NEK10: variants seen among roughly 807,000 people sequenced by gnomAD.
NEK10 encodes NIMA related kinase 10, also known as serine/threonine-protein kinase Nek10.
Under a neutral mutation model 159.8 loss-of-function variants are expected in NEK10, and 122 were observed. The observed-to-expected ratio is 0.76, with a 90% CI of 0.66 to 0.89. NEK10 has a LOEUF of 0.89. Among genes scored for constraint, NEK10 ranks in the 40% least tolerant of loss-of-function variants. The pLI is 0.00. For synonymous variants in NEK10, 466 were observed against 457.1 expected, an observed-to-expected ratio of 1.02 and a Z score of -0.25; for missense variants, 1,342 against 1,323.1, an observed-to-expected ratio of 1.01 and a Z score of -0.22.
rs1422171452 is a variant in NEK10, at chr3:27,109,927, A to C, written c.*1345T>G. ...GCATGATTAAAGGGAATTTGGATAT[A>C]ATTTAAGTATTAAATATGCTCATTT... is the stretch of plus-strand genomic sequence containing the variant. On this transcript the variant is annotated 3_prime_UTR_variant, in exon 36 of 36. Transcript: ENST00000691995. Among the ~76,000 whole-genome samples the C allele has an allele frequency of 6.6e-6, 1 of 152,212 alleles. No individual in the cohort carries two copies.
chr3:27,204,200 C>T (rs1342134420), intron 23 of NEK10, among the ~76,000 whole-genome samples: 1 of 146,980 alleles, frequency 6.8e-6, no homozygotes, highest in Non-Finnish European at 1.5e-5. Context: ...CTTTGGTGTG[C>T]TTTCACTCCC....
At chr3:27,250,150 T>A (rs1183387097) in intron 23 of NEK10, among the ~76,000 whole-genome samples, 1 of 152,148 alleles carries the variant, frequency 6.6e-6, no homozygotes, top group Non-Finnish European at 1.5e-5. Context: ...TATACCACAA[T>A]TACAGTATTA....
chr3:27,192,117 T>C lies in NEK10; in HGVS notation c.2417A>G (p.Glu806Gly). The change falls in exon 26 of 36, where the codon GAA (glutamate) becomes GGA (glycine). Residue 806 changes from glutamate (E) to glycine (G), a missense_variant. Transcript: ENST00000691995. Reference protein sequence around the residue: ...TSQLSLEKKLERERRRTQRYF... With the variant: ...TSQLSLEKKLGRERRRTQRYF... The stretch of plus-strand genomic sequence containing the variant: ...CCTTTGTGTGCGTCTTCGTTCCCGT[T>C]CTAGCTTCTTTTCCAAGGACAACTG... 6.2e-7 allele frequency: 1 copy of C among 1,614,210 alleles called. No individual in the cohort carries two copies. The highest frequency in any genetic ancestry group is 8.5e-7 in the Non-Finnish European group (1 of 1,180,024).
At chr3:27,174,943 T>C in intron 26 of NEK10, 110 bp from the exon 27 acceptor site, 1 of 906,438 alleles carries the variant, frequency 1.1e-6, no homozygotes, top group Non-Finnish European at 1.7e-6. Flanking sequence ...ATATAAATGT[T>C]TGATGCAGAA....
intron 28 of NEK10, among the ~76,000 whole-genome samples, chr3:27,173,436 G>T (rs1042715767): frequency 6.6e-6 from 1 of 152,086 alleles, no homozygotes; most frequent in Admixed American, 6.5e-5. Flanking sequence ...TCCCATATGA[G>T]CTTCATGTTT....
At chr3:27,231,673 A>G (rs1364811770) in intron 23 of NEK10, among the ~76,000 whole-genome samples, 1 of 152,010 alleles carries the variant, frequency 6.6e-6, no homozygotes, top group Non-Finnish European at 1.5e-5. Flanking sequence ...ATTACAACCA[A>G]TACCACAGAA....
At chr3:27,238,878 T>C (rs1215091081) in intron 23 of NEK10, among the ~76,000 whole-genome samples, 2 of 151,828 alleles carry the variant, frequency 1.3e-5, no homozygotes, top group African/African-American at 4.8e-5. Context: ...TCAAGGGCAC[T>C]GGTTACAGAA....
chr3:27,342,173 C>T (rs1318817480), intron 5 of NEK10, among the ~76,000 whole-genome samples: 3 of 152,122 alleles, frequency 2.0e-5, no homozygotes, highest in Non-Finnish European at 2.9e-5. Context: ...GCACACAGTA[C>T]ATGCTTACCA....
intron 24 of NEK10, 95 bp downstream of exon 24, chr3:27,202,333 G>A: frequency 8.7e-7 from 1 of 1,148,036 alleles, no homozygotes; most frequent in Non-Finnish European, 1.2e-6. Context: ...TGCTTTTAAT[G>A]GGCAGTTATA....
At chr3:27,220,718 G>T (rs147511440) in intron 23 of NEK10, among the ~76,000 whole-genome samples, 77 of 151,966 alleles carry the variant, frequency 5.1e-4, no homozygotes, top group African/African-American at 1.8e-3. Context: ...GAACAGCCAA[G>T]ATAATTTTGA....
chr3:27,204,315 T>TTTTTTTTTTTTTTG (rs1559606319), intron 23 of NEK10, among the ~76,000 whole-genome samples: 1 of 113,186 alleles, frequency 8.8e-6, no homozygotes, highest in Non-Finnish European at 1.9e-5. Context: ...TTTTTTTTTT[T>TTTTTTTTTTTTTTG]TTTTTTATTA....
intron 22 of NEK10, among the ~76,000 whole-genome samples, chr3:27,259,887 T>C (rs549332422): frequency 6.6e-6 from 1 of 152,288 alleles, no homozygotes; most frequent in East Asian, 1.9e-4. Context: ...TATCCTCTTT[T>C]ATTTCATTGA....
At chr3:27,261,215 T>C (rs975075974) in intron 22 of NEK10, among the ~76,000 whole-genome samples, 4 of 152,240 alleles carry the variant, frequency 2.6e-5, no homozygotes. Flanking sequence ...TTTGTGTCTC[T>C]ATTTCCTTCA....
rs922001217 is a variant in NEK10 at position 27,141,408 on chromosome 3, A to G, written c.2970+74T>C. The G allele has an allele frequency of 7.0e-6, 8 of 1,135,834 alleles. No individual in the cohort carries two copies. The African/African-American group carries it at 1.2e-4, about 18-fold the overall frequency. The allele number at this position is 1,135,834 out of a possible 1,614,324, so 70.4% of individuals were successfully genotyped here. On this transcript the variant is annotated intron_variant, in intron 31 of 35. Coordinates refer to ENST00000691995, the MANE Select transcript of NEK10 (RefSeq NM_001394966.1). ...CAAGAATTCAATCTAAAGTCCTCCAAAATAGTTCTTCAGCAATATTAGCAC... is the reference window on the plus strand; with the variant it reads ...CAAGAATTCAATCTAAAGTCCTCCAGAATAGTTCTTCAGCAATATTAGCAC...
At chr3:27,359,838 GTAGT>G (rs2048559816) in intron 1 of NEK10, among the ~76,000 whole-genome samples, 1 of 152,190 alleles carries the variant, frequency 6.6e-6, no homozygotes, top group Non-Finnish European at 1.5e-5. Flanking sequence ...AGCAGTTTAT[GTAGT>G]TAAAGTGCTT....
chr3:27,213,244 G>C, intron 23 of NEK10, among the ~76,000 whole-genome samples: 1 of 152,144 alleles, frequency 6.6e-6, no homozygotes, highest in Admixed American at 6.6e-5. Flanking sequence ...AAGATGCCAA[G>C]AACCTGGACT....
At chr3:27,335,389 A>G (rs2046728657) in intron 5 of NEK10, among the ~76,000 whole-genome samples, 1 of 151,926 alleles carries the variant, frequency 6.6e-6, no homozygotes, top group South Asian at 2.1e-4. Context: ...AGAGAGATAG[A>G]CTCTAATACA....
At chr3:27,239,068 G>A (rs573696285) in intron 23 of NEK10, among the ~76,000 whole-genome samples, 22 of 152,158 alleles carry the variant, frequency 1.4e-4, no homozygotes, top group Admixed American at 4.6e-4. Flanking sequence ...GATTGCTTGT[G>A]GGAGGGGACC....
At chr3:27,315,546 T>A (rs925572736) in intron 6 of NEK10, among the ~76,000 whole-genome samples, 2 of 152,036 alleles carry the variant, frequency 1.3e-5, no homozygotes, top group African/African-American at 4.8e-5. Flanking sequence ...ATTGTACATA[T>A]GATCTCTATT....
Sources: allele counts gnomAD v4.1 joint callset (sites outside exome capture counted in the v4.1 genomes callset), GRCh38; gene constraint gnomAD v4.1.1; transcripts MANE v1.5; gene names NCBI Gene and HGNC (gene_info 2026-07-23, HGNC 2026-07-21).